The following AK9 variants were observed in gnomAD, a reference collection of about 807,000 sequenced individuals.
AK9 encodes adenylate kinase domain containing 1.
Under a neutral mutation model 239.6 loss-of-function variants are expected in AK9, and 191 were observed. The observed-to-expected ratio is 0.80, with a 90% CI of 0.71 to 0.90. The LOEUF is 0.90. Among genes scored for constraint, AK9 ranks in the 40% least tolerant of loss-of-function variants. The pLI is 0.00. For missense variants in AK9, 1,995 were observed against 2,214.7 expected, an observed-to-expected ratio of 0.90 and a Z score of 1.99; for synonymous variants, 689 against 721.0, an observed-to-expected ratio of 0.96 and a Z score of 0.71.
Position 109,558,840 on chromosome 6 carries a change from T to C in AK9, c.2751+4757A>G, listed in dbSNP as rs982773057. 2.7e-5 allele frequency among the ~76,000 whole-genome samples: 4 copies of C among 150,438 alleles called. No homozygotes were observed. In the South Asian group the frequency reaches 8.5e-4, roughly 32 times the overall value. On this transcript the variant is annotated intron_variant, in intron 24 of 40. Transcript: ENST00000424296. ...AGAATTGATATAATAATATTAAGTC[T>C]TCTGACCTATGAACATGGTATATTT...
chr6:109,548,431 T>C (rs188638101), intron 25 of AK9, among the ~76,000 whole-genome samples: 5 of 152,292 alleles, frequency 3.3e-5, no homozygotes, highest in African/African-American at 9.6e-5. Context: ...GGTGAAATCA[T>C]TGATGCTTTA....
At position 109,665,058 on chromosome 6, in the gene AK9, GA is replaced by G. The variant is rs561079114; in HGVS notation, c.332-2396del. On this transcript the variant is annotated intron_variant, in intron 5 of 40. Transcript: ENST00000424296. Reference sequence around the variant, plus strand: ...CCGTCTCAAAAAAAATAAAGAAGAAGAAGACCAAGAACCATCATGCTAATTC... The same window carrying G: ...CCGTCTCAAAAAAAATAAAGAAGAAGAGACCAAGAACCATCATGCTAATTC... 1.7e-3 allele frequency among the ~76,000 whole-genome samples: 253 copies of G among 152,046 alleles called. 4 individuals carry two copies. Among genetic ancestry groups the G allele is most frequent in the Middle Eastern group, 6.8e-3 (2 of 294 alleles).
At chr6:109,555,522 T>G (rs1368524029) in intron 24 of AK9, among the ~76,000 whole-genome samples, 1 of 152,232 alleles carries the variant, frequency 6.6e-6, no homozygotes, top group African/African-American at 2.4e-5. Context: ...AGATGTCAAC[T>G]AGGTCCACTT....
rs529108195 is a variant in AK9, at chr6:109,601,907, T to C, written c.1842+8458A>G. The stretch of plus-strand genomic sequence containing the variant: ...AGACTAGGATTGCAACCCCTGCCTT[T>C]TTTTGCTTTCCAATTGCTTTGTAGA... On this transcript the variant is annotated intron_variant, in intron 17 of 40. Transcript: ENST00000424296. 7.9e-5 allele frequency among the ~76,000 whole-genome samples: 12 copies of C among 152,344 alleles called. No individual in the cohort carries two copies. The South Asian group carries it at 2.5e-3, about 32-fold the overall frequency.
In AK9 at chr6:109,586,064, T is replaced by G; in HGVS notation, c.1851A>C (p.Glu617Asp). ...CACCAGGAAACCTATCCTTGTTTTC[T>G]TCCATTACCTGTGAAAAATTGTACA... Reference protein sequence around the residue: ...ILQEVLGEVMEENKDRFPGAP... With the variant: ...ILQEVLGEVMDENKDRFPGAP... Residue 617 changes from glutamate to aspartate, a missense_variant, in exon 18 of 41, where the codon GAA (glutamate) becomes GAC (aspartate). Glu to Asp is a conservative substitution (Grantham distance 45, BLOSUM62 2). Coordinates refer to ENST00000424296, the MANE Select transcript of AK9 (RefSeq NM_001145128.3). The G allele has an allele frequency of 6.5e-7, 1 of 1,550,164 alleles. No individual in the cohort carries two copies. Among genetic ancestry groups the G allele is most frequent in the Admixed American group, 2.0e-5 (1 of 50,708 alleles).
chr6:109,555,903 T>C (rs1015321196), intron 24 of AK9, among the ~76,000 whole-genome samples: 10 of 152,194 alleles, frequency 6.6e-5, no homozygotes, highest in African/African-American at 1.9e-4. Context: ...GTGTGTATCT[T>C]TGCATGTGAG....
intron 17 of AK9, among the ~76,000 whole-genome samples, chr6:109,594,975 A>G (rs540425541): frequency 7.2e-5 from 11 of 152,352 alleles, no homozygotes; most frequent in African/African-American, 2.6e-4. Context: ...TAAAACACCA[A>G]AAGCAATTGC....
In AK9 at chr6:109,619,094, T is replaced by C. The variant is rs1369339299; in HGVS notation, c.1397A>G (p.Gln466Arg). 2.6e-6 allele frequency: 4 copies of C among 1,534,444 alleles called. No homozygotes were observed. The highest frequency in any genetic ancestry group is 2.6e-6 in the Non-Finnish European group (3 of 1,142,196). The change falls in exon 13 of 41, where the codon CAA (glutamine) becomes CGA (arginine). Residue 466 changes from glutamine to arginine, a missense_variant and splice_region_variant. Physicochemically the swap from Gln to Arg is conservative, Grantham distance 43 (BLOSUM62 1). Transcript: ENST00000424296. ...KLLRELQARK[Q>R]AETALREFQR... is the part of the protein sequence containing the mutation. ...CACATTTTAAAAAGATGTTTCACCT[T>C]GTTTTCTAGCTTGCAGTTCCCTGAG...
intron 5 of AK9, 114 bp downstream of exon 5, chr6:109,671,805 A>G: frequency 1.3e-6 from 1 of 782,432 alleles, no homozygotes; most frequent in Non-Finnish European, 2.1e-6. Flanking sequence ...AGAGATAATG[A>G]GATTCTTATG....
chr6:109,627,569 G>A (rs1795690772), intron 12 of AK9, among the ~76,000 whole-genome samples: 3 of 152,142 alleles, frequency 2.0e-5, no homozygotes, highest in South Asian at 2.1e-4. Flanking sequence ...TTCACTAGGC[G>A]ATGAGAAATT....
chr6:109,620,484 G>C (rs1794682318), intron 12 of AK9, among the ~76,000 whole-genome samples: 1 of 151,950 alleles, frequency 6.6e-6, no homozygotes, highest in Non-Finnish European at 1.5e-5. Flanking sequence ...AATTGTGTTA[G>C]AATAATTTCT....
At chr6:109,498,099 C>T (rs1174752865) in intron 36 of AK9, 134 bp from the exon 37 acceptor site, 1 of 786,422 alleles carries the variant, frequency 1.3e-6, no homozygotes, top group East Asian at 2.7e-5. Context: ...CTGTAAATAA[C>T]CTCTCCTCTG....
chr6:109,604,935 G>C (rs1465543250), intron 17 of AK9, among the ~76,000 whole-genome samples: 2 of 151,896 alleles, frequency 1.3e-5, no homozygotes, highest in Non-Finnish European at 2.9e-5. Context: ...TTATGTTCTT[G>C]TCACATGTGG....
At chr6:109,499,359 A>C (rs1290641293) in intron 35 of AK9, 119 bp from the exon 36 acceptor site, 1 of 763,458 alleles carries the variant, frequency 1.3e-6, no homozygotes, top group African/African-American at 1.8e-5. Context: ...AAAATTCCAA[A>C]CAATAGAGTA....
Position 109,668,699 on chromosome 6 carries a change from G to C in AK9, c.331+3220C>G, listed in dbSNP as rs1293400004. Among the ~76,000 whole-genome samples, 2 of 91,724 alleles carry C rather than the reference G, an allele frequency of 2.2e-5. 1 individual carries two copies. Among genetic ancestry groups the C allele is most frequent in the Non-Finnish European group, 5.0e-5 (2 of 39,822 alleles). The allele number at this position is 91,724 out of a possible 152,430, so 60.2% of individuals were successfully genotyped here. On this transcript the variant is annotated intron_variant, in intron 5 of 40. Coordinates refer to ENST00000424296, the MANE Select transcript of AK9 (RefSeq NM_001145128.3). ...TTTTTGTCAGATTTGTCAAAGATCA[G>C]ATAGTTGTAGATCTGCGGCATTATT...
rs1210322566 is a variant in AK9, at chr6:109,542,598, A to G, written c.3226-427T>C. On this transcript the variant is annotated intron_variant, in intron 26 of 40. Transcript: ENST00000424296. Reference sequence around the variant, plus strand: ...AGGTACCCCATAAATATGTACAAATACCAATTTAGAAAACCCCAAAATCTA... The same window carrying G: ...AGGTACCCCATAAATATGTACAAATGCCAATTTAGAAAACCCCAAAATCTA... 3.9e-5 allele frequency among the ~76,000 whole-genome samples: 6 copies of G among 152,294 alleles called. No homozygotes were observed. In the East Asian group the frequency reaches 9.6e-4, roughly 24 times the overall value.
intron 10 of AK9, among the ~76,000 whole-genome samples, chr6:109,638,872 A>G (rs908788116): frequency 5.9e-5 from 9 of 152,088 alleles, no homozygotes; most frequent in African/African-American, 1.4e-4. Context: ...TCATTGTTCA[A>G]TTCCCACCTA....
intron 17 of AK9, among the ~76,000 whole-genome samples, chr6:109,596,525 G>A (rs1369666268): frequency 1.3e-5 from 2 of 152,196 alleles, no homozygotes; most frequent in Non-Finnish European, 2.9e-5. Flanking sequence ...GGCATGGAGT[G>A]GAAAGGATGC....
intron 8 of AK9, 62 bp from the exon 9 acceptor site, chr6:109,644,750 C>A: frequency 7.2e-7 from 1 of 1,397,744 alleles, no homozygotes; most frequent in Non-Finnish European, 1.0e-6. Context: ...AATACAAGAT[C>A]AGAATCTTAA....
Sources: gnomAD v4.1 joint callset for allele counts (sites outside exome capture counted in the v4.1 genomes callset) on GRCh38, gnomAD v4.1.1 for gene constraint, MANE v1.5 for transcripts, NCBI Gene and HGNC (gene_info 2026-07-23, HGNC 2026-07-21) for gene names.